Variants in NLGN4X observed in about 807,000 individuals in gnomAD.
NLGN4X encodes neuroligin 4 X-linked.
In NLGN4X, 3 loss-of-function variants were observed where a neutral mutation model predicts 40.3. The ratio of observed to expected loss-of-function variants is 0.07; its 90% CI spans 0.03 to 0.19. The LOEUF is 0.19. Ranked by LOEUF, NLGN4X falls within the 10% of genes least tolerant of loss-of-function variation. The pLI is 1.00. For synonymous variants in NLGN4X, 270 were observed against 306.8 expected, an observed-to-expected ratio of 0.88 and a Z score of 1.25; for missense variants, 382 against 708.3, an observed-to-expected ratio of 0.54 and a Z score of 5.23.
At chrX:6,140,824 C>T (rs1393928350) in intron 2 of NLGN4X, among the ~76,000 whole-genome samples, 2 of 109,732 alleles carry the variant, frequency 1.8e-5, no homozygotes, top group African/African-American at 3.3e-5. Flanking sequence ...GCAATCCACC[C>T]ACCTAGACCT....
chrX:5,993,849 G>A (rs2035750503), intron 3 of NLGN4X, among the ~76,000 whole-genome samples: 2 of 112,029 alleles, frequency 1.8e-5, no homozygotes, highest in South Asian at 7.4e-4. Flanking sequence ...TTCAGCTGAA[G>A]TGATGGAGGG....
At chrX:6,033,051 T>C (rs1315077392) in intron 2 of NLGN4X, among the ~76,000 whole-genome samples, 1 of 106,404 alleles carries the variant, frequency 9.4e-6, no homozygotes, top group African/African-American at 3.4e-5. Flanking sequence ...AAAAAAAAAA[T>C]GCTAACGTGA....
At chrX:6,037,176 C>A (rs972166021) in intron 2 of NLGN4X, among the ~76,000 whole-genome samples, 6 of 109,867 alleles carry the variant, frequency 5.5e-5, no homozygotes, top group African/African-American at 2.0e-4. Context: ...CATGGTGGTG[C>A]ATGCCTGTAG....
At chrX:5,947,974 A>G (rs1165350131) in intron 3 of NLGN4X, among the ~76,000 whole-genome samples, 1 of 112,151 alleles carries the variant, frequency 8.9e-6, no homozygotes. Context: ...ATAAATATAT[A>G]CGGAACCTAA....
intron 3 of NLGN4X, among the ~76,000 whole-genome samples, chrX:6,021,498 A>G (rs970076984): frequency 1.8e-5 from 2 of 110,439 alleles, no homozygotes; most frequent in African/African-American, 3.3e-5. Context: ...AAATCCAATG[A>G]ATGCAGTGGG....
intron 1 of NLGN4X, among the ~76,000 whole-genome samples, chrX:6,178,584 C>T (rs191764148): frequency 3.6e-5 from 4 of 112,067 alleles, no homozygotes; most frequent in African/African-American, 1.3e-4. Flanking sequence ...GAATGAAATA[C>T]GACCATGAAT....
chrX:6,003,173 G>C (rs991213913), intron 3 of NLGN4X, among the ~76,000 whole-genome samples: 2 of 111,449 alleles, frequency 1.8e-5, no homozygotes, highest in East Asian at 5.7e-4. Context: ...AACGTCCAAC[G>C]ACTGGGCCCG....
At chrX:6,147,525 A>T (rs1009466551) in intron 2 of NLGN4X, among the ~76,000 whole-genome samples, 3 of 111,830 alleles carry the variant, frequency 2.7e-5, no homozygotes, top group African/African-American at 9.8e-5. Context: ...TCATGTATGA[A>T]CTCAAGTGGA....
intron 2 of NLGN4X, among the ~76,000 whole-genome samples, chrX:6,084,574 G>A (rs995345386): frequency 3.6e-5 from 4 of 111,715 alleles, no homozygotes; most frequent in East Asian, 5.7e-4. Context: ...CTTTGACCCC[G>A]ATGAGGAGAG....
At chrX:5,935,069 A>G (rs2033689286) in intron 3 of NLGN4X, among the ~76,000 whole-genome samples, 1 of 112,290 alleles carries the variant, frequency 8.9e-6, no homozygotes. Flanking sequence ...GAAGCTCAAC[A>G]AAGAAAAATT....
intron 1 of NLGN4X, among the ~76,000 whole-genome samples, chrX:6,174,152 T>C (rs2040669143): frequency 9.0e-6 from 1 of 111,339 alleles, no homozygotes; most frequent in Non-Finnish European, 1.9e-5. Flanking sequence ...AAGCAATCAA[T>C]AAACATCTGA....
Position 6,178,557 on chromosome X carries a change from T to C in NLGN4X, c.-305-26786A>G, listed in dbSNP as rs147857966. 8.6e-3 allele frequency among the ~76,000 whole-genome samples: 969 copies of C among 112,458 alleles called. 8 individuals carry two copies. Among genetic ancestry groups the C allele is most frequent in the African/African-American group, 0.03 (927 of 30,962 alleles). ...ACTGGAAAGTGGGACAGATTGAATCTGCCTAAACTGCTAGCAGAATGAAAT... is the reference window on the plus strand; with the variant it reads ...ACTGGAAAGTGGGACAGATTGAATCCGCCTAAACTGCTAGCAGAATGAAAT... On this transcript the variant is annotated intron_variant, in intron 1 of 5. Transcript: ENST00000381095.
chrX:6,208,772 A>G (rs1183936177), intron 1 of NLGN4X, among the ~76,000 whole-genome samples: 1 of 112,019 alleles, frequency 8.9e-6, no homozygotes, highest in Non-Finnish European at 1.9e-5. Flanking sequence ...ATCCACATAC[A>G]CTGTTGATGG....
intron 2 of NLGN4X, among the ~76,000 whole-genome samples, chrX:6,079,818 A>G (rs1182711602): frequency 8.9e-6 from 1 of 111,928 alleles, no homozygotes; most frequent in Non-Finnish European, 1.9e-5. Flanking sequence ...ATTTATATTT[A>G]CTGAGGAGAT....
chrX:6,063,913 T>TTCCAGTGAAGGAAGACCTGTAG (rs1160153160), intron 2 of NLGN4X, among the ~76,000 whole-genome samples: 1 of 112,212 alleles, frequency 8.9e-6, no homozygotes, highest in Non-Finnish European at 1.9e-5. Flanking sequence ...CTCACATGGT[T>TTCCAGTGAAGGAAGACCTGTAG]TCTTCCAGTC....
At chrX:6,166,802 T>C (rs2040504996) in intron 1 of NLGN4X, among the ~76,000 whole-genome samples, 2 of 111,396 alleles carry the variant, frequency 1.8e-5, no homozygotes, top group Admixed American at 9.6e-5. Flanking sequence ...TCAGGCAACA[T>C]GGCTCATGCC....
chrX:6,215,893 TTGAGA>T (rs749695953), intron 1 of NLGN4X, among the ~76,000 whole-genome samples: 14,544 of 102,630 alleles, frequency 0.14, 985 homozygotes, highest in African/African-American at 0.24. Context: ...TTTTTTTTTT[TTGAGA>T]GAGAGTCTTG....
rs2037212752 is a variant in NLGN4X at position 6,042,857 on chromosome X, C to T, written c.473-13425G>A. Among the ~76,000 whole-genome samples the T allele has an allele frequency of 8.7e-5, 9 of 103,140 alleles. 1 individual carries two copies. In the Admixed American group the frequency reaches 9.7e-4, roughly 11 times the overall value. 89.6% of individuals were successfully genotyped at this position (103,140 alleles called of 115,157 possible). On this transcript the variant is annotated intron_variant, in intron 2 of 5. Transcript: ENST00000381095. ...TTGGGAGGCCAGGGCAGGCAGATCACCTGAGGCCAGGAGTTCAAGACAAGT... is the reference window on the plus strand; with the variant it reads ...TTGGGAGGCCAGGGCAGGCAGATCATCTGAGGCCAGGAGTTCAAGACAAGT...
intron 2 of NLGN4X, among the ~76,000 whole-genome samples, chrX:6,095,441 T>C (rs1157093241): frequency 8.9e-6 from 1 of 111,960 alleles, no homozygotes; most frequent in Non-Finnish European, 1.9e-5. Flanking sequence ...TTCCACAATA[T>C]CTATTGATTA....
Sources: allele counts gnomAD v4.1 joint callset (sites outside exome capture counted in the v4.1 genomes callset), GRCh38; gene constraint gnomAD v4.1.1; transcripts MANE v1.5; gene names NCBI Gene and HGNC (gene_info 2026-07-23, HGNC 2026-07-21).